TRPM3: variants seen among roughly 807,000 people sequenced by gnomAD.
The protein encoded by TRPM3 is transient receptor potential cation channel subfamily M member 3, also known as long transient receptor potential channel 3.
A neutral mutation model predicts 181.2 loss-of-function variants in TRPM3; 77 were observed. That is an observed-to-expected ratio of 0.42 (90% CI 0.35 to 0.51). The LOEUF (loss-of-function observed/expected upper bound fraction) is 0.51, where lower values mean the gene tolerates loss of function less well. Ranked by LOEUF, TRPM3 falls within the 20% of genes least tolerant of loss-of-function variation. The pLI is 0.01. For missense variants in TRPM3, 1,759 were observed against 2,196.7 expected, an observed-to-expected ratio of 0.80 and a Z score of 3.98; for synonymous variants, 745 against 796.4, an observed-to-expected ratio of 0.94 and a Z score of 1.09.
intron 1 of TRPM3, among the ~76,000 whole-genome samples, chr9:71,353,585 C>T (rs1352131695): frequency 6.6e-6 from 1 of 152,120 alleles, no homozygotes; most frequent in East Asian, 1.9e-4. Flanking sequence ...TTTCCTTTGC[C>T]AAAATTGTAT....
intron 22 of TRPM3, among the ~76,000 whole-genome samples, chr9:70,578,360 G>A (rs1175352345): frequency 6.6e-6 from 1 of 151,318 alleles, no homozygotes; most frequent in Non-Finnish European, 1.5e-5. Flanking sequence ...GAAGGGAGGT[G>A]TTGAAGTTTG....
At chr9:71,290,425 A>G (rs1028808430) in intron 1 of TRPM3, among the ~76,000 whole-genome samples, 5 of 152,196 alleles carry the variant, frequency 3.3e-5, no homozygotes, top group African/African-American at 1.2e-4. Flanking sequence ...TTGGAATAAT[A>G]CGTTTTAAAT....
chr9:71,191,275 T>C (rs769341257), intron 1 of TRPM3, among the ~76,000 whole-genome samples: 8 of 151,882 alleles, frequency 5.3e-5, no homozygotes, highest in Non-Finnish European at 4.4e-5. Flanking sequence ...GTAGACACTG[T>C]ACATTTTTGT....
chr9:71,210,086 C>T (rs892194875), intron 1 of TRPM3, among the ~76,000 whole-genome samples: 3 of 152,180 alleles, frequency 2.0e-5, no homozygotes, highest in Non-Finnish European at 2.9e-5. Context: ...GAGCTTCACC[C>T]GTATTTACAG....
intron 1 of TRPM3, among the ~76,000 whole-genome samples, chr9:71,185,853 T>A (rs1387851139): frequency 2.0e-5 from 3 of 152,094 alleles, no homozygotes; most frequent in Non-Finnish European, 4.4e-5. Context: ...AATCACATAT[T>A]CATGGGGTAT....
chr9:71,434,788 C>A (rs113686980), intron 1 of TRPM3, among the ~76,000 whole-genome samples: 7 of 152,100 alleles, frequency 4.6e-5, no homozygotes, highest in African/African-American at 1.7e-4. Flanking sequence ...AAATTTTTCA[C>A]CTTTCTTTCT....
chr9:70,632,842 C>T (rs1037835147), intron 12 of TRPM3, among the ~76,000 whole-genome samples: 1 of 152,148 alleles, frequency 6.6e-6, no homozygotes, highest in Non-Finnish European at 1.5e-5. Context: ...AAAAACCCTA[C>T]CTTAGAGATA....
chr9:70,699,133 C>T (rs760983325), intron 8 of TRPM3, among the ~76,000 whole-genome samples: 12 of 152,190 alleles, frequency 7.9e-5, no homozygotes, highest in Non-Finnish European at 1.8e-4. Context: ...CAGCCTCTAT[C>T]ATTAGCAGCC....
intron 22 of TRPM3, among the ~76,000 whole-genome samples, chr9:70,563,217 G>C (rs1014027899): frequency 6.6e-6 from 1 of 152,208 alleles, no homozygotes; most frequent in Non-Finnish European, 1.5e-5. Context: ...AGCTGAGGCT[G>C]TTCTGGAGGA....
intron 8 of TRPM3, among the ~76,000 whole-genome samples, chr9:70,694,567 G>A (rs1021411517): frequency 2.0e-5 from 3 of 152,086 alleles, no homozygotes; most frequent in African/African-American, 4.8e-5. Flanking sequence ...TGCAAGCTCC[G>A]CCTCCTGGGT....
intron 1 of TRPM3, among the ~76,000 whole-genome samples, chr9:71,253,339 T>C (rs762418193): frequency 3.3e-5 from 5 of 152,094 alleles, no homozygotes; most frequent in Non-Finnish European, 1.5e-5. Context: ...TCAGGGGAAT[T>C]TTGCTTTCCT....
chr9:70,620,984 G>T (rs2063525275), intron 15 of TRPM3, among the ~76,000 whole-genome samples: 2 of 147,844 alleles, frequency 1.4e-5, no homozygotes, highest in South Asian at 4.2e-4. Context: ...TTTCAAAGGT[G>T]CTGTGAGCAA....
intron 8 of TRPM3, among the ~76,000 whole-genome samples, chr9:70,749,772 A>G (rs2075808599): frequency 6.6e-6 from 1 of 152,180 alleles, no homozygotes. Context: ...GCTTTATTTA[A>G]TTTTTATCTT....
chr9:71,325,189 C>A (rs1235016789), intron 1 of TRPM3, among the ~76,000 whole-genome samples: 2 of 152,102 alleles, frequency 1.3e-5, no homozygotes, highest in African/African-American at 2.4e-5. Flanking sequence ...TTAGTATTTT[C>A]TGCAACCAAA....
rs1395156897 is a variant in TRPM3, at chr9:71,420,723, GAGAGAGAGAGAGAA to G, written c.183+25916_183+25929del. Among the ~76,000 whole-genome samples, 7 of 111,006 alleles carry G rather than the reference GAGAGAGAGAGAGAA, an allele frequency of 6.3e-5. No individual in the cohort carries two copies. The South Asian group carries it at 2.2e-3, about 35-fold the overall frequency. The allele number at this position is 111,006 out of a possible 152,430, so 72.8% of individuals were successfully genotyped here. ...AAAGAGAGAGAAAGAAAGAGAGAAA[GAGAGAGAGAGAGAA>G]AGAGAGAGAAAGAGAGAGAAAGAGA... On this transcript the variant is annotated intron_variant, in intron 1 of 24. Transcript: ENST00000357533.
At chr9:71,007,736 TAC>T (rs1313871430) in intron 1 of TRPM3, among the ~76,000 whole-genome samples, 1 of 151,988 alleles carries the variant, frequency 6.6e-6, no homozygotes. Context: ...TGAAAATGAA[TAC>T]AAATGAACAC....
chr9:70,582,692 C>T (rs185612947), intron 22 of TRPM3, among the ~76,000 whole-genome samples: 1 of 152,228 alleles, frequency 6.6e-6, no homozygotes, highest in African/African-American at 2.4e-5. Flanking sequence ...CACTCAGTAG[C>T]CATATGTGAC....
intron 9 of TRPM3, among the ~76,000 whole-genome samples, chr9:70,662,048 C>T (rs1351712434): frequency 1.3e-5 from 2 of 151,874 alleles, no homozygotes; most frequent in Non-Finnish European, 2.9e-5. Flanking sequence ...TTATCAAAAC[C>T]GCGGGGTACT....
chr9:71,036,044 A>T (rs2058161486), intron 1 of TRPM3, among the ~76,000 whole-genome samples: 1 of 148,824 alleles, frequency 6.7e-6, no homozygotes, highest in South Asian at 2.1e-4. Flanking sequence ...GAAAAGAAAC[A>T]TTATCATCAG....
Sources: gnomAD v4.1 joint callset for allele counts (sites outside exome capture counted in the v4.1 genomes callset) on GRCh38, gnomAD v4.1.1 for gene constraint, MANE v1.5 for transcripts, NCBI Gene and HGNC (gene_info 2026-07-23, HGNC 2026-07-21) for gene names.